RPRD2: variants seen among roughly 807,000 people sequenced by gnomAD.
RPRD2 encodes the protein regulation of nuclear pre-mRNA domain-containing protein 2.
A neutral mutation model predicts 104.4 loss-of-function variants in RPRD2; 12 were observed. The ratio of observed to expected loss-of-function variants is 0.11; its 90% CI spans 0.07 to 0.19. The LOEUF is 0.19. RPRD2 is among the 10% of genes least tolerant of loss of function. RPRD2 has a pLI of 1.00. For synonymous variants in RPRD2, 714 were observed against 684.9 expected, an observed-to-expected ratio of 1.04 and a Z score of -0.66; for missense variants, 1,543 against 1,790.1, an observed-to-expected ratio of 0.86 and a Z score of 2.49.
At chr1:150,461,094 A>C (rs1667903078) in intron 9 of RPRD2, among the ~76,000 whole-genome samples, 1 of 152,020 alleles carries the variant, frequency 6.6e-6, no homozygotes, top group Non-Finnish European at 1.5e-5. Context: ...ATAAGCAAAG[A>C]GAATGAAATA....
At chr1:150,379,944 T>C (rs587770074) in intron 1 of RPRD2, among the ~76,000 whole-genome samples, 5 of 152,390 alleles carry the variant, frequency 3.3e-5, no homozygotes, top group African/African-American at 7.2e-5. Context: ...AACCAAAATA[T>C]AGAATGACCT....
chr1:150,377,140 G>A (rs1442638352), intron 1 of RPRD2, among the ~76,000 whole-genome samples: 1 of 151,424 alleles, frequency 6.6e-6, no homozygotes, highest in Non-Finnish European at 1.5e-5. Context: ...GAACCCAGGA[G>A]GCAGCAGTTG....
At chr1:150,411,469 A>C (rs1353202160) in intron 1 of RPRD2, among the ~76,000 whole-genome samples, 4 of 116,692 alleles carry the variant, frequency 3.4e-5, no homozygotes, top group Non-Finnish European at 7.1e-5. Context: ...AAAAAAAAAA[A>C]CAAAAAAAAA....
chr1:150,400,788 T>C (rs1207428618), intron 1 of RPRD2, among the ~76,000 whole-genome samples: 1 of 152,164 alleles, frequency 6.6e-6, no homozygotes, highest in Non-Finnish European at 1.5e-5. Context: ...AAATGTCCTT[T>C]GTTTGAGGAA....
chr1:150,369,799 G>A (rs1333449375), intron 1 of RPRD2, among the ~76,000 whole-genome samples: 2 of 142,788 alleles, frequency 1.4e-5, no homozygotes, highest in East Asian at 4.1e-4. Flanking sequence ...GTTTTTTTTT[G>A]ATGCAGAGTC....
rs61486244 is a variant in RPRD2 at position 150,473,556 on chromosome 1, TAAAAAAAAAAAA to T, written c.*234_*245del. The T allele has an allele frequency of 6.1e-5, 6 of 98,396 alleles. No individual in the cohort carries two copies. The South Asian group carries it at 1.2e-3, about 20-fold the overall frequency. The allele number at this position is 98,396 out of a possible 1,614,324, so 6.1% of individuals were successfully genotyped here. ...TCTACCTTCCCCAAGTTGTTTGTAT[TAAAAAAAAAAAA>T]AAAAAAAAAAAGTAAAGAAACACAA... is the stretch of plus-strand genomic sequence containing the variant. On this transcript the variant is annotated 3_prime_UTR_variant, in exon 11 of 11. Coordinates refer to ENST00000369068, the MANE Select transcript of RPRD2 (RefSeq NM_015203.5).
At chr1:150,437,075 G>T (rs1560201607) in intron 2 of RPRD2, among the ~76,000 whole-genome samples, 1 of 152,134 alleles carries the variant, frequency 6.6e-6, no homozygotes, top group South Asian at 2.1e-4. Flanking sequence ...ATTTTGTAAG[G>T]CTATAGTTGC....
rs1668054252 is a variant in RPRD2 at position 150,463,213 on chromosome 1, C to T, written c.1412-1314C>T. Among the ~76,000 whole-genome samples the T allele has an allele frequency of 2.6e-5, 4 of 152,078 alleles. No individual in the cohort carries two copies. The South Asian group carries it at 8.3e-4, about 32-fold the overall frequency. ...GTGGGATACCGTGTAGTCCCAGCTA[C>T]TCGGGAGGCAAATGCAGGAGGATCA... On this transcript the variant is annotated intron_variant, in intron 9 of 10. Coordinates refer to ENST00000369068, the MANE Select transcript of RPRD2 (RefSeq NM_015203.5).
rs587660624 is a variant in RPRD2 at position 150,410,264 on chromosome 1, G to A, written c.206-7332G>A. Among the ~76,000 whole-genome samples, 7 of 152,182 alleles carry A rather than the reference G, an allele frequency of 4.6e-5. 1 individual carries two copies. The South Asian group carries it at 1.5e-3, about 32-fold the overall frequency. On this transcript the variant is annotated intron_variant, in intron 1 of 10. Coordinates refer to ENST00000369068, the MANE Select transcript of RPRD2 (RefSeq NM_015203.5). Reference sequence around the variant, plus strand: ...TTGAACTTTACTCTTGTTAAAGAGGGGACCATTATGGGAGGGATTTAAGAA... The same window carrying A: ...TTGAACTTTACTCTTGTTAAAGAGGAGACCATTATGGGAGGGATTTAAGAA...
In RPRD2 at chr1:150,471,781, A is replaced by T. The variant is rs777069985; in HGVS notation, c.2833A>T (p.Asn945Tyr). 12 of 1,613,822 alleles carry T rather than the reference A, an allele frequency of 7.4e-6. No individual in the cohort carries two copies. Among genetic ancestry groups the T allele is most frequent in the Non-Finnish European group, 1.0e-5 (12 of 1,179,848 alleles). Residue 945 changes from asparagine (N) to tyrosine (Y), a missense_variant, in exon 11 of 11, where the codon AAT becomes TAT. By Grantham distance (143) the Asn-to-Tyr change is moderately radical (BLOSUM62 -2). This residue lies in a region of RPRD2 where 880 missense variants were observed against 885.6 expected (regional missense o/e 0.99). Transcript: ENST00000369068. This position sits in a 1 kb window ranked among gnomAD's most constrained non-coding sequence, Gnocchi z 5.3. ...ATTTTTCACCCCTGACTCCAACCAC[A>T]ATAGCTTGTCTCAATCTACCACTGG... ...DSFFTPDSNH[N>Y]SLSQSTTGHL...
intron 4 of RPRD2, among the ~76,000 whole-genome samples, chr1:150,442,462 G>A (rs1231650766): frequency 6.6e-6 from 1 of 152,080 alleles, no homozygotes; most frequent in Non-Finnish European, 1.5e-5. Context: ...TATATTTATC[G>A]TATTTACCCA....
chr1:150,408,462 C>T (rs1663660672), intron 1 of RPRD2, among the ~76,000 whole-genome samples: 1 of 152,102 alleles, frequency 6.6e-6, no homozygotes, highest in South Asian at 2.1e-4. Flanking sequence ...CCCGCCTATA[C>T]ATTTAAATAG....
intron 2 of RPRD2, among the ~76,000 whole-genome samples, chr1:150,430,908 CAA>C (rs1251377671): frequency 1.3e-5 from 2 of 149,926 alleles, no homozygotes; most frequent in African/African-American, 4.9e-5. Context: ...GCTTGGCCAA[CAA>C]GAGCGAAACT....
intron 1 of RPRD2, among the ~76,000 whole-genome samples, chr1:150,408,289 C>T (rs1382921740): frequency 1.3e-5 from 2 of 150,730 alleles, no homozygotes; most frequent in African/African-American, 4.9e-5. Flanking sequence ...CTCAGCCTCC[C>T]GAGTATCTGG....
At chr1:150,398,025 T>C (rs1662662377) in intron 1 of RPRD2, among the ~76,000 whole-genome samples, 1 of 152,092 alleles carries the variant, frequency 6.6e-6, no homozygotes, top group African/African-American at 2.4e-5. Context: ...TCTCACTGTG[T>C]TGCCCAGGCT....
rs1200121547 is a variant in RPRD2 at position 150,364,157 on chromosome 1, C to A, written c.-558C>A. ...TGGCGCGTGCGCGATACTGTTGCTG[C>A]CCCTTTGCTGCTATTGCGTTGCAAA... is the stretch of plus-strand genomic sequence containing the variant. On this transcript the variant is annotated 5_prime_UTR_variant, in exon 1 of 11. Transcript: ENST00000369068. 1.3e-5 allele frequency among the ~76,000 whole-genome samples: 2 copies of A among 152,166 alleles called. No homozygotes were observed. The highest frequency in any genetic ancestry group is 6.5e-5 in the Admixed American group (1 of 15,268).
At chr1:150,370,935 TC>T (rs1225259063) in intron 1 of RPRD2, among the ~76,000 whole-genome samples, 1 of 152,218 alleles carries the variant, frequency 6.6e-6, no homozygotes, top group Admixed American at 6.5e-5. Context: ...ACACCACCTT[TC>T]TACTGATCTC....
chr1:150,412,020 G>T (rs1553887773), intron 1 of RPRD2, among the ~76,000 whole-genome samples: 1 of 150,956 alleles, frequency 6.6e-6, no homozygotes. Flanking sequence ...CTGCTGGAGA[G>T]GCTGAGGCAC....
At chr1:150,418,990 C>G (rs998922956) in intron 2 of RPRD2, among the ~76,000 whole-genome samples, 3 of 152,134 alleles carry the variant, frequency 2.0e-5, no homozygotes, top group African/African-American at 7.2e-5. Flanking sequence ...CCAGCCTGGG[C>G]GACAGAGTGA....
Sources: gnomAD v4.1 joint callset for allele counts (sites outside exome capture counted in the v4.1 genomes callset) on GRCh38, gnomAD v4.1.1 for gene constraint, gnomAD v4.1.1 regional missense constraint, Gnocchi (gnomAD v3.1) non-coding constraint, MANE v1.5 for transcripts, NCBI Gene and HGNC (gene_info 2026-07-23, HGNC 2026-07-21) for gene names.